The following ADAMTSL1 variants were observed in gnomAD, a reference collection of about 807,000 sequenced individuals.
The protein encoded by ADAMTSL1 is ADAMTS like 1, also known as ADAMTS-like protein 1.
In ADAMTSL1, 126 loss-of-function variants were observed where a neutral mutation model predicts 201.8. The ratio of observed to expected loss-of-function variants is 0.62; its 90% CI spans 0.54 to 0.72. ADAMTSL1 has a LOEUF of 0.72. Ranked by LOEUF, ADAMTSL1 falls within the 30% of genes least tolerant of loss-of-function variation. ADAMTSL1 has a pLI of 0.00. For missense variants in ADAMTSL1, 2,679 were observed against 2,277.8 expected (o/e 1.18, Z -3.59); for synonymous variants, 1,121 against 903.4 (o/e 1.24, Z -4.32).
chr9:18,194,122 A>G (rs559958164), intron 2 of ADAMTSL1, among the ~76,000 whole-genome samples: 60 of 152,244 alleles, frequency 3.9e-4, no homozygotes, highest in Non-Finnish European at 6.6e-4. Context: ...GGTTCTGAGA[A>G]GTAGGATGTG....
intron 5 of ADAMTSL1, among the ~76,000 whole-genome samples, chr9:18,627,874 C>G (rs35808221): frequency 0.13 from 20,420 of 152,108 alleles, 1,551 homozygotes; most frequent in Middle Eastern, 0.18. Context: ...GTCTACTTAC[C>G]ACAGTGTGCT....
At chr9:18,888,728 G>C (rs929443567) in intron 24 of ADAMTSL1, among the ~76,000 whole-genome samples, 2 of 152,146 alleles carry the variant, frequency 1.3e-5, no homozygotes, top group Non-Finnish European at 1.5e-5. Flanking sequence ...TATGTGTGAT[G>C]TATTCCAAAA....
chr9:18,584,567 A>G (rs916909183), intron 4 of ADAMTSL1, among the ~76,000 whole-genome samples: 5 of 152,186 alleles, frequency 3.3e-5, no homozygotes, highest in Non-Finnish European at 7.3e-5. Flanking sequence ...TCCAGTATCC[A>G]ATTAAATGTT....
At chr9:17,983,682 G>T (rs964538903) in intron 1 of ADAMTSL1, among the ~76,000 whole-genome samples, 1 of 152,034 alleles carries the variant, frequency 6.6e-6, no homozygotes, top group African/African-American at 2.4e-5. Flanking sequence ...AAGGTGATTT[G>T]GCTACATGTA....
chr9:18,565,822 A>G (rs1821857519), intron 3 of ADAMTSL1, among the ~76,000 whole-genome samples: 1 of 152,240 alleles, frequency 6.6e-6, no homozygotes, highest in Admixed American at 6.5e-5. Context: ...AATCTTGCAC[A>G]AATAAATGCT....
chr9:18,003,779 T>G (rs1315158746), intron 1 of ADAMTSL1, among the ~76,000 whole-genome samples: 1 of 152,070 alleles, frequency 6.6e-6, no homozygotes, highest in Non-Finnish European at 1.5e-5. Flanking sequence ...AGGAAACGAA[T>G]GAGCCTTCTG....
At chr9:18,014,960 A>G (rs1172299329) in intron 1 of ADAMTSL1, among the ~76,000 whole-genome samples, 1 of 152,100 alleles carries the variant, frequency 6.6e-6, no homozygotes, top group Non-Finnish European at 1.5e-5. Flanking sequence ...GTTAAAGTTA[A>G]TCTCGGCTGT....
chr9:18,385,486 C>A (rs562392784), intron 2 of ADAMTSL1, among the ~76,000 whole-genome samples: 1 of 152,080 alleles, frequency 6.6e-6, no homozygotes, highest in Non-Finnish European at 1.5e-5. Flanking sequence ...TCAAACAGTA[C>A]GTTAGTCATA....
chr9:18,017,473 A>G (rs879747462), intron 1 of ADAMTSL1, among the ~76,000 whole-genome samples: 35 of 152,098 alleles, frequency 2.3e-4, no homozygotes, highest in East Asian at 1.9e-4. Context: ...GACACCTTAC[A>G]GGATAGACCA....
chr9:18,447,020 C>G (rs1587242311), intron 2 of ADAMTSL1, among the ~76,000 whole-genome samples: 1 of 151,540 alleles, frequency 6.6e-6, no homozygotes, highest in South Asian at 2.1e-4. Flanking sequence ...GGAGGTGAGA[C>G]AATCACAAAA....
chr9:18,219,523 C>T lies in ADAMTSL1; in HGVS notation c.207+55542C>T, dbSNP rs926662878. Among the ~76,000 whole-genome samples, 8 of 152,056 alleles carry T rather than the reference C, an allele frequency of 5.3e-5. 1 individual carries two copies. The highest frequency in any genetic ancestry group is 2.1e-4 in the South Asian group (1 of 4,822). ...AGTTGGGATTACAAGGATGCACCACCGTGCCTGGCTAATTTTTGTATTTTT... is the reference window on the plus strand; with the variant it reads ...AGTTGGGATTACAAGGATGCACCACTGTGCCTGGCTAATTTTTGTATTTTT... On this transcript the variant is annotated intron_variant, in intron 2 of 29. Coordinates refer to the ADAMTSL1 transcript ENST00000680146.
chr9:18,866,116 C>CAAAAAAAAAAAA lies in ADAMTSL1; in HGVS notation c.4250-21712_4250-21701dup, dbSNP rs76778655. Among the ~76,000 whole-genome samples the CAAAAAAAAAAAA allele has an allele frequency of 6.6e-3, 518 of 78,448 alleles. 52 individuals carry two copies. The highest frequency in any genetic ancestry group is 0.034 in the African/African-American group (460 of 13,512). The allele number at this position is 78,448 out of a possible 152,430, so 51.5% of individuals were successfully genotyped here. A position where few individuals can be genotyped will look rare whatever the true frequency, so the allele number is the denominator to read the frequency against. The stretch of plus-strand genomic sequence containing the variant: ...AGAGAGATTGCTTGCCTTCAAAAAC[C>CAAAAAAAAAAAA]AAAAAAAAAAAAAATGACGGATACT... On this transcript the variant is annotated intron_variant, in intron 23 of 28. Coordinates refer to ENST00000380548, the MANE Select transcript of ADAMTSL1 (RefSeq NM_001040272.6).
At chr9:18,649,763 G>A (rs1189040469) in intron 7 of ADAMTSL1, among the ~76,000 whole-genome samples, 4 of 152,058 alleles carry the variant, frequency 2.6e-5, no homozygotes, top group Non-Finnish European at 5.9e-5. Flanking sequence ...TGTCTCAGAG[G>A]AGTACCCCGC....
intron 27 of ADAMTSL1, among the ~76,000 whole-genome samples, 163 bp from the exon 28 acceptor site, chr9:18,906,529 A>G (rs1309170424): frequency 2.6e-5 from 4 of 152,212 alleles, no homozygotes; most frequent in South Asian, 4.1e-4. Context: ...TTGAGATCAT[A>G]TGGCCTTTTA....
At chr9:17,997,414 CACATGTA>C (rs1819428015) in intron 1 of ADAMTSL1, among the ~76,000 whole-genome samples, 1 of 152,040 alleles carries the variant, frequency 6.6e-6, no homozygotes, top group Admixed American at 6.6e-5. Context: ...CAAGGGAATA[CACATGTA>C]TCATATTAGA....
chr9:18,583,811 C>G (rs7023718), intron 4 of ADAMTSL1, among the ~76,000 whole-genome samples: 98,846 of 152,102 alleles, frequency 0.65, 33,089 homozygotes, highest in African/African-American at 0.81. Context: ...AGATTTGACT[C>G]CCCTGGTGGA....
chr9:17,915,742 C>T (rs992373470), intron 1 of ADAMTSL1, among the ~76,000 whole-genome samples: 5 of 152,192 alleles, frequency 3.3e-5, no homozygotes, highest in African/African-American at 1.2e-4. Flanking sequence ...GTCATTCAAA[C>T]AGGTATAGTC....
intron 2 of ADAMTSL1, among the ~76,000 whole-genome samples, chr9:18,339,620 A>G (rs561988227): frequency 3.3e-5 from 5 of 152,196 alleles, no homozygotes; most frequent in African/African-American, 1.2e-4. Flanking sequence ...ACCCAAATGA[A>G]TATTTTTTAA....
intron 1 of ADAMTSL1, among the ~76,000 whole-genome samples, chr9:18,101,676 A>G (rs886709002): frequency 3.9e-5 from 6 of 152,178 alleles, no homozygotes; most frequent in African/African-American, 1.4e-4. Context: ...AGGGCAGAAG[A>G]TGGAGGTCTA....
Sources: allele counts gnomAD v4.1 joint callset (sites outside exome capture counted in the v4.1 genomes callset), GRCh38; gene constraint gnomAD v4.1.1; transcripts MANE v1.5; gene names NCBI Gene and HGNC (gene_info 2026-07-23, HGNC 2026-07-21).